RAPGEF1: variants seen among roughly 807,000 people sequenced by gnomAD.
The protein encoded by RAPGEF1 is CRK SH3-binding GNRP.
Under a neutral mutation model 143.3 loss-of-function variants are expected in RAPGEF1, and 33 were observed. The observed-to-expected ratio is 0.23, with a 90% CI of 0.17 to 0.31. The LOEUF is 0.31. Among genes scored for constraint, RAPGEF1 ranks in the 10% least tolerant of loss-of-function variants. The pLI is 1.00. For missense variants in RAPGEF1, 1,199 were observed against 1,645.4 expected (o/e 0.73, Z 4.69); for synonymous variants, 629 against 676.5 (o/e 0.93, Z 1.09).
At chr9:131,653,277 T>C (rs1430271037) in intron 1 of RAPGEF1, among the ~76,000 whole-genome samples, 1 of 152,242 alleles carries the variant, frequency 6.6e-6, no homozygotes. Context: ...GTAAATGTTA[T>C]GTAAATAGTT....
At chr9:131,581,299 T>C (rs533687590) in intron 25 of RAPGEF1, among the ~76,000 whole-genome samples, 3 of 152,172 alleles carry the variant, frequency 2.0e-5, no homozygotes, top group African/African-American at 7.2e-5. Flanking sequence ...GAGACCGATG[T>C]GGGAGGATTC....
rs1314453942 is a variant in RAPGEF1, at chr9:131,584,785, C to G, written c.3234-189G>C. Among the ~76,000 whole-genome samples, 1 of 152,174 alleles carries G rather than the reference C, an allele frequency of 6.6e-6. No individual in the cohort carries two copies. Among genetic ancestry groups the G allele is most frequent in the Non-Finnish European group, 1.5e-5 (1 of 68,042 alleles). On this transcript the variant is annotated intron_variant, in intron 22 of 26. Transcript: ENST00000683357. This position sits in a 1 kb window ranked among gnomAD's most constrained non-coding sequence, Gnocchi z 6.8. ...TCCAGGAGCTCATAACATCCTGGGA[C>G]AGAGGCACAAGGAAATCTGGTGACA...
chr9:131,722,937 T>C (rs746458647), intron 1 of RAPGEF1, among the ~76,000 whole-genome samples: 9 of 152,236 alleles, frequency 5.9e-5, no homozygotes, highest in Non-Finnish European at 1.0e-4. Flanking sequence ...CTCACGCCTG[T>C]AATCCCAGCA....
chr9:131,645,027 C>T (rs1486511563), intron 3 of RAPGEF1, among the ~76,000 whole-genome samples: 1 of 152,188 alleles, frequency 6.6e-6, no homozygotes, highest in Non-Finnish European at 1.5e-5. Context: ...AGTGCCCTTC[C>T]TCATCCCCAT....
At chr9:131,603,884 G>C in intron 14 of RAPGEF1, 77 bp downstream of exon 14, 1 of 887,286 alleles carries the variant, frequency 1.1e-6, no homozygotes, top group South Asian at 1.5e-5. Context: ...CAGGTGCGGG[G>C]GAAGCGGCCT....
intron 18 of RAPGEF1, 29 bp downstream of exon 18, chr9:131,592,070 G>C (rs781714410): frequency 6.5e-7 from 1 of 1,543,926 alleles, no homozygotes; most frequent in South Asian, 1.1e-5. Context: ...CCATGGTGCA[G>C]GGGCCCTGGG....
intron 3 of RAPGEF1, among the ~76,000 whole-genome samples, chr9:131,645,201 A>G (rs1462843040): frequency 6.6e-6 from 1 of 152,224 alleles, no homozygotes; most frequent in Non-Finnish European, 1.5e-5. Flanking sequence ...AGTGTGAAGG[A>G]GTCGCAGTGC....
chr9:131,715,066 A>G (rs1172450408), intron 1 of RAPGEF1, among the ~76,000 whole-genome samples: 1 of 152,068 alleles, frequency 6.6e-6, no homozygotes, highest in African/African-American at 2.4e-5. Context: ...ATCGAAGGCA[A>G]AGGCCACCAC....
chr9:131,739,811 A>G lies in RAPGEF1; in HGVS notation c.20T>C (p.Leu7Pro). The change falls in exon 1 of 27, where the codon CTC (leucine) becomes CCC (proline). Residue 7 changes from leucine (L) to proline (P), a missense_variant. Physicochemically the swap from Leu to Pro is moderately conservative, Grantham distance 98 (BLOSUM62 -3). This residue lies in a region of RAPGEF1 where 613 missense variants were observed against 710.9 expected (regional missense o/e 0.86). Coordinates refer to ENST00000683357, the MANE Select transcript of RAPGEF1 (RefSeq NM_001377935.1). MSGGLG[L>P]RRSPEMSGKI... Reference sequence around the variant, plus strand: ...GCCGGACATTTCCGGGCTGCGCCGGAGGCCGAGGCCGCCGCTCATCGGGCC... The same window carrying G: ...GCCGGACATTTCCGGGCTGCGCCGGGGGCCGAGGCCGCCGCTCATCGGGCC... 1 of 1,145,460 alleles carries G rather than the reference A, an allele frequency of 8.7e-7. No homozygotes were observed. Among genetic ancestry groups the G allele is most frequent in the South Asian group, 1.9e-5 (1 of 53,072 alleles). The allele number at this position is 1,145,460 out of a possible 1,614,324, so 71.0% of individuals were successfully genotyped here.
chr9:131,673,314 C>T (rs749049699), intron 1 of RAPGEF1, among the ~76,000 whole-genome samples: 1 of 152,160 alleles, frequency 6.6e-6, no homozygotes, highest in Non-Finnish European at 1.5e-5. Context: ...GAGGGAGGGG[C>T]TGAAACATCA....
At chr9:131,723,143 G>A (rs961073962) in intron 1 of RAPGEF1, among the ~76,000 whole-genome samples, 5 of 151,766 alleles carry the variant, frequency 3.3e-5, no homozygotes, top group African/African-American at 7.3e-5. Flanking sequence ...GCAGTGAGCC[G>A]AGATCACACC....
intron 22 of RAPGEF1, among the ~76,000 whole-genome samples, chr9:131,586,206 A>G (rs1224651399): frequency 6.9e-6 from 1 of 143,940 alleles, no homozygotes; most frequent in Non-Finnish European, 1.5e-5. Flanking sequence ...AAACACACAC[A>G]CACGCACGCA....
intron 3 of RAPGEF1, among the ~76,000 whole-genome samples, chr9:131,644,691 G>C (rs938717391): frequency 6.6e-6 from 1 of 152,176 alleles, no homozygotes; most frequent in South Asian, 2.1e-4. Context: ...TTGGCCAGGT[G>C]AAGTGGCTCA....
At chr9:131,700,240 G>A (rs1834527715) in intron 1 of RAPGEF1, among the ~76,000 whole-genome samples, 1 of 152,148 alleles carries the variant, frequency 6.6e-6, no homozygotes, top group African/African-American at 2.4e-5. Flanking sequence ...CTCCGCCCTA[G>A]TCACACATTC....
chr9:131,718,937 T>C (rs113808780), intron 1 of RAPGEF1, among the ~76,000 whole-genome samples: 3 of 152,322 alleles, frequency 2.0e-5, no homozygotes, highest in African/African-American at 4.8e-5. Context: ...CACTTGATGC[T>C]GTAAAATTAC....
At chr9:131,607,581 TG>T (rs916737473) in intron 12 of RAPGEF1, among the ~76,000 whole-genome samples, 2 of 151,970 alleles carry the variant, frequency 1.3e-5, no homozygotes, top group Non-Finnish European at 2.9e-5. Flanking sequence ...GGCGTGCTGC[TG>T]GGGGGGCTGC....
chr9:131,620,130 T>C (rs1166314400), intron 11 of RAPGEF1, among the ~76,000 whole-genome samples: 2 of 152,138 alleles, frequency 1.3e-5, no homozygotes, highest in East Asian at 3.9e-4. Flanking sequence ...CCTGCAGGCG[T>C]GGTAGAACAG....
chr9:131,629,910 T>C (rs1964380185), intron 6 of RAPGEF1, among the ~76,000 whole-genome samples: 1 of 151,976 alleles, frequency 6.6e-6, no homozygotes, highest in Non-Finnish European at 1.5e-5. Flanking sequence ...CAAACAAGAG[T>C]GCTCTCAAGT....
chr9:131,581,135 C>G (rs1951801422), intron 25 of RAPGEF1, among the ~76,000 whole-genome samples: 1 of 151,440 alleles, frequency 6.6e-6, no homozygotes, highest in Admixed American at 6.6e-5. Context: ...ACAAGAACTC[C>G]AGCCTGGGTA....
Sources: allele counts gnomAD v4.1 joint callset (sites outside exome capture counted in the v4.1 genomes callset), GRCh38; gene constraint gnomAD v4.1.1; regional missense constraint gnomAD v4.1.1; non-coding constraint Gnocchi (gnomAD v3.1); transcripts MANE v1.5; gene names NCBI Gene and HGNC (gene_info 2026-07-23, HGNC 2026-07-21).